Variants in PLEKHG7 observed in about 807,000 individuals in gnomAD.
PLEKHG7 encodes pleckstrin homology and RhoGEF domain containing G7.
A neutral mutation model predicts 85.2 loss-of-function variants in PLEKHG7; 77 were observed. That is an observed-to-expected ratio of 0.90 (90% CI 0.75 to 1.09). The LOEUF is 1.09. Among genes scored for constraint, PLEKHG7 ranks in the 50% least tolerant of loss-of-function variants. PLEKHG7 has a pLI of 0.00. For synonymous variants in PLEKHG7, 301 were observed against 302.4 expected, an observed-to-expected ratio of 1.00 and a Z score of 0.05; for missense variants, 777 against 804.3, an observed-to-expected ratio of 0.97 and a Z score of 0.41.
chr12:92,767,665 A>G (rs536603809), intron 15 of PLEKHG7, among the ~76,000 whole-genome samples: 1 of 152,338 alleles, frequency 6.6e-6, no homozygotes, highest in African/African-American at 2.4e-5. Context: ...ATACTGGGGT[A>G]GTTCTTGCAG....
chr12:92,749,870 AT>A (rs1362735775), intron 10 of PLEKHG7: 5 of 139,320 alleles, frequency 3.6e-5, no homozygotes, highest in Admixed American at 2.8e-4. Context: ...ATTTTATTTT[AT>A]TTTATTTTAT....
At chr12:92,759,448 A>G (rs1264177054) in intron 13 of PLEKHG7, among the ~76,000 whole-genome samples, 7 of 145,882 alleles carry the variant, frequency 4.8e-5, no homozygotes, top group Non-Finnish European at 1.1e-4. Context: ...GTTGCTGTGG[A>G]CTGAATTGTG....
chr12:92,749,694 T>G (rs2136615369), intron 10 of PLEKHG7: 1 of 152,240 alleles, frequency 6.6e-6, no homozygotes, highest in East Asian at 1.9e-4. Context: ...TTTGTGAGAA[T>G]TATCTCATTA....
chr12:92,707,626 A>AT (rs745523677), intron 2 of PLEKHG7, 24 bp from the exon 3 acceptor site: 16 of 1,611,482 alleles, frequency 9.9e-6, no homozygotes, highest in Non-Finnish European at 1.4e-5. Flanking sequence ...AGACTAAAAC[A>AT]TATGTTCTTA....
At chr12:92,732,159 G>A (rs1872009376) in intron 4 of PLEKHG7, 74 bp from the exon 5 acceptor site, 1 of 946,838 alleles carries the variant, frequency 1.1e-6, no homozygotes, top group African/African-American at 1.7e-5. Flanking sequence ...AGCAGGTTTT[G>A]TAAAGCACTA....
rs751827149 is a variant in PLEKHG7, at chr12:92,729,157, C to G, written c.658+37C>G. ...TCAGTATACTTTCATTCCATGCCCACTGTGGAACAGATATTGCCATAACCA... is the reference window on the plus strand; with the variant it reads ...TCAGTATACTTTCATTCCATGCCCAGTGTGGAACAGATATTGCCATAACCA... On this transcript the variant is annotated intron_variant, in intron 4 of 16. Transcript: ENST00000344636. 349 of 1,231,096 alleles carry G rather than the reference C, an allele frequency of 2.8e-4. 1 individual carries two copies. Among genetic ancestry groups the G allele is most frequent in the Non-Finnish European group, 3.2e-4 (320 of 987,442 alleles). 76.3% of individuals were successfully genotyped at this position (1,231,096 alleles called of 1,614,324 possible). A position where few individuals can be genotyped will look rare whatever the true frequency, so the allele number is the denominator to read the frequency against.
chr12:92,746,425 G>A (rs1260200998), intron 10 of PLEKHG7, among the ~76,000 whole-genome samples: 4 of 152,222 alleles, frequency 2.6e-5, no homozygotes, highest in Non-Finnish European at 5.9e-5. Flanking sequence ...AAGCCTGGGT[G>A]TGCCAAGGAC....
At chr12:92,711,657 G>C (rs1417078747) in intron 3 of PLEKHG7, among the ~76,000 whole-genome samples, 1 of 152,154 alleles carries the variant, frequency 6.6e-6, no homozygotes, top group Non-Finnish European at 1.5e-5. Context: ...AAGATGGCAG[G>C]GTCTTGCTCC....
rs1873377001 is a variant in PLEKHG7 at position 92,770,452 on chromosome 12, T to C, written c.*257T>C. 8 of 375,922 alleles carry C rather than the reference T, an allele frequency of 2.1e-5. No homozygotes were observed. Among genetic ancestry groups the C allele is most frequent in the Admixed American group, 9.6e-5 (2 of 20,740 alleles). The allele number at this position is 375,922 out of a possible 1,614,324, so 23.3% of individuals were successfully genotyped here. On this transcript the variant is annotated 3_prime_UTR_variant, in exon 17 of 17. Coordinates refer to ENST00000344636, the MANE Select transcript of PLEKHG7 (RefSeq NM_001377329.1). ...CCTTCTAATGCTTCCGTCAGGTTTGTAAGAGGTGTGAGTGAAGAAAGGTGC... is the reference window on the plus strand; with the variant it reads ...CCTTCTAATGCTTCCGTCAGGTTTGCAAGAGGTGTGAGTGAAGAAAGGTGC...
intron 5 of PLEKHG7, among the ~76,000 whole-genome samples, chr12:92,732,864 A>T (rs776928801): frequency 3.9e-5 from 6 of 152,108 alleles, no homozygotes; most frequent in Non-Finnish European, 7.4e-5. Flanking sequence ...GGGAAGAGGG[A>T]GGGAATGTTC....
In PLEKHG7 at chr12:92,706,814, A is replaced by G; in HGVS notation, c.183A>G (p.Thr61=). Residue 61 remains threonine, a synonymous_variant, in exon 2 of 17, where the codon ACA becomes ACG. Coordinates refer to ENST00000344636, the MANE Select transcript of PLEKHG7 (RefSeq NM_001377329.1). The part of the protein sequence containing the change: ...LRRLRTRGCG[T]RQDAWQVTTW... ...GATTAAGGACCCGTGGCTGTGGGAC[A>G]AGGCAGGATGCCTGGCAGGTGACCA... 1 of 1,613,978 alleles carries G rather than the reference A, an allele frequency of 6.2e-7. No homozygotes were observed. The highest frequency in any genetic ancestry group is 8.5e-7 in the Non-Finnish European group (1 of 1,180,028).
Position 92,737,440 on chromosome 12 carries a change from G to C in PLEKHG7, c.858G>C (p.Leu286=). 1.3e-6 allele frequency: 2 copies of C among 1,584,778 alleles called. No homozygotes were observed. The highest frequency in any genetic ancestry group is 1.7e-6 in the Non-Finnish European group (2 of 1,171,846). Residue 286 remains leucine, a synonymous_variant, in exon 7 of 17, where the codon CTG becomes CTC. Coordinates refer to ENST00000344636, the MANE Select transcript of PLEKHG7 (RefSeq NM_001377329.1). ...AACTCCCGACCGATCAATTAGACCT[G>C]AAAAAGCAGCAAGAGGCCGTGTGGG... ...HHKLPTDQLD[L]KKQQEAVWEL... is the part of the protein sequence containing the mutation.
Position 92,761,663 on chromosome 12 carries a change from AAAGAAAGAAAGAAAGAAAG to A in PLEKHG7, c.1637-86_1637-68del, listed in dbSNP as rs1159100067. ...GAAAGAAAGAAAGAAAGAAAGAAAG[AAAGAAAGAAAGAAAGAAAG>A]AAAGGGAAAGAAAAACTCTTCTACT... is the stretch of plus-strand genomic sequence containing the variant. On this transcript the variant is annotated intron_variant, in intron 13 of 16. Coordinates refer to ENST00000344636, the MANE Select transcript of PLEKHG7 (RefSeq NM_001377329.1). 17 of 1,308,948 alleles carry A rather than the reference AAAGAAAGAAAGAAAGAAAG, an allele frequency of 1.3e-5. No homozygotes were observed. In the African/African-American group the frequency reaches 1.6e-4, roughly 13 times the overall value. 81.1% of individuals were successfully genotyped at this position (1,308,948 alleles called of 1,614,324 possible). A position where few individuals can be genotyped will look rare whatever the true frequency, so the allele number is the denominator to read the frequency against.
At position 92,706,693 on chromosome 12, in the gene PLEKHG7, G is replaced by T. The variant is rs202006804; in HGVS notation, c.62G>T (p.Arg21Leu). ...CCCCAAGACTGTGGAGCCTCTCCTC[G>T]GCCCTCGCTGAGGAGCCTGCCAAAG... The part of the protein sequence containing the change: ...VPPQDCGASP[R>L]PSLRSLPKNQ... The change falls in exon 2 of 17, where the codon CGG becomes CTG. Residue 21 changes from arginine (R) to leucine (L), a missense_variant. Around this residue, in one of 3 missense-constraint regions of PLEKHG7, gnomAD observed 252 missense variants for 241.9 expected, o/e 1.04. Transcript: ENST00000344636. 1 of 1,614,032 alleles carries T rather than the reference G, an allele frequency of 6.2e-7. No individual in the cohort carries two copies. The highest frequency in any genetic ancestry group is 1.7e-5 in the Admixed American group (1 of 60,014).
chr12:92,707,355 T>C, intron 2 of PLEKHG7: 1 of 1,429,654 alleles, frequency 7.0e-7, no homozygotes, highest in Non-Finnish European at 9.1e-7. Context: ...GCTCACTTTC[T>C]TCTGTCCTTA....
intron 3 of PLEKHG7, among the ~76,000 whole-genome samples, chr12:92,724,687 C>T (rs1178754153): frequency 6.6e-6 from 1 of 152,132 alleles, no homozygotes; most frequent in Non-Finnish European, 1.5e-5. Flanking sequence ...AGCAAGAAGG[C>T]AAAGGACAAG....
chr12:92,740,313 A>AATTTG (rs1398408475), intron 7 of PLEKHG7, among the ~76,000 whole-genome samples: 1 of 152,210 alleles, frequency 6.6e-6, no homozygotes, highest in East Asian at 1.9e-4. Context: ...TTGTGAAATC[A>AATTTG]TCAAATTAAG....
Position 92,770,490 on chromosome 12 carries a change from G to A in PLEKHG7, c.*295G>A. The stretch of plus-strand genomic sequence containing the variant: ...TGAAGAAAGGTGCTAATTTGTAAAG[G>A]GTGAATGATCAGATAAATGGAGTAT... On this transcript the variant is annotated 3_prime_UTR_variant, in exon 17 of 17. Transcript: ENST00000344636. 1.0e-5 allele frequency: 3 copies of A among 290,484 alleles called. No homozygotes were observed. Among genetic ancestry groups the A allele is most frequent in the Non-Finnish European group, 1.3e-5 (2 of 157,120 alleles). 18.0% of individuals were successfully genotyped at this position (290,484 alleles called of 1,614,324 possible).
In PLEKHG7 at chr12:92,761,635, A is replaced by AAAGGAAGGAAGG. The variant is rs1555196569; in HGVS notation, c.1637-114_1637-113insGAAGGAAGGAAG. On this transcript the variant is annotated intron_variant, in intron 13 of 16. Transcript: ENST00000344636. ...AGAAAGAAAGAAAGAAGAAAGAAAG[A>AAAGGAAGGAAGG]AAGAAAGAAAGAAAGAAAGAAAGAA... The AAAGGAAGGAAGG allele has an allele frequency of 1.3e-4, 38 of 293,074 alleles. No individual in the cohort carries two copies. In the Admixed American group the frequency reaches 1.5e-3, roughly 11 times the overall value. The allele number at this position is 293,074 out of a possible 1,614,324, so 18.2% of individuals were successfully genotyped here.
Sources: allele counts gnomAD v4.1 joint callset (sites outside exome capture counted in the v4.1 genomes callset), GRCh38; gene constraint gnomAD v4.1.1; regional missense constraint gnomAD v4.1.1; transcripts MANE v1.5; gene names NCBI Gene and HGNC (gene_info 2026-07-23, HGNC 2026-07-21).